Variants in GLIS3 observed in about 807,000 individuals in gnomAD.
GLIS3 encodes zinc finger protein GLIS3.
A neutral mutation model predicts 78.6 loss-of-function variants in GLIS3; 53 were observed. That is an observed-to-expected ratio of 0.67 (90% CI 0.54 to 0.85). The LOEUF is 0.85. Among genes scored for constraint, GLIS3 ranks in the 40% least tolerant of loss-of-function variants. The pLI, the probability that GLIS3 is intolerant of heterozygous loss-of-function variation, is 0.00. For missense variants in GLIS3, 1,703 were observed against 1,231.1 expected, an observed-to-expected ratio of 1.38 and a Z score of -5.74; for synonymous variants, 684 against 509.9, an observed-to-expected ratio of 1.34 and a Z score of -4.60.
At chr9:4,354,369 C>G in the GLIS3 span, among the ~76,000 whole-genome samples, 5 of 152,104 alleles carry the variant, frequency 3.3e-5, no homozygotes, top group East Asian at 1.9e-4. Flanking sequence ...GGTATAAGCA[C>G]CCTGTTAGCA....
rs1309834586 is a variant in GLIS3 at position 4,117,891 on chromosome 9, G to C, written c.1587C>G (p.Arg529=). Residue 529 remains arginine (R), a synonymous_variant, in exon 4 of 11, where the codon CGC becomes CGG. Transcript: ENST00000381971. ...AGAAGCAAGTGAAGTCCTCCCCTTT[G>C]CGCTGGTCGATGTGGACCTTCTCGA... is the stretch of plus-strand genomic sequence containing the variant. ...RHIEKVHIDQ[R]KGEDFTCFWA... 1.9e-6 allele frequency: 3 copies of C among 1,614,108 alleles called. No homozygotes were observed. Among genetic ancestry groups the C allele is most frequent in the Non-Finnish European group, 2.5e-6 (3 of 1,180,026 alleles).
chr9:3,990,760 T>C (rs953809540), intron 4 of GLIS3, among the ~76,000 whole-genome samples: 4 of 152,220 alleles, frequency 2.6e-5, no homozygotes, highest in East Asian at 3.8e-4. Context: ...AGTTTTCAAA[T>C]AGCTAAACGT....
the GLIS3 span, among the ~76,000 whole-genome samples, chr9:4,430,723 G>A: frequency 4.5e-4 from 69 of 152,124 alleles, no homozygotes; most frequent in African/African-American, 1.6e-3. Context: ...GTAAATTACT[G>A]ACAATGCTAT....
intron 4 of GLIS3, among the ~76,000 whole-genome samples, chr9:3,990,894 T>C (rs544829102): frequency 6.6e-6 from 1 of 152,314 alleles, no homozygotes; most frequent in Admixed American, 6.5e-5. Context: ...ACATCAAGCA[T>C]GCCCTCAATT....
At chr9:3,846,957 G>A (rs1036082373) in intron 9 of GLIS3, among the ~76,000 whole-genome samples, 18 of 152,160 alleles carry the variant, frequency 1.2e-4, no homozygotes, top group Non-Finnish European at 1.5e-4. Context: ...GCTAAGGCAG[G>A]GGGGTCACCT....
At chr9:3,836,864 C>T (rs1443630255) in intron 9 of GLIS3, among the ~76,000 whole-genome samples, 2 of 152,230 alleles carry the variant, frequency 1.3e-5, no homozygotes, top group South Asian at 2.1e-4. Context: ...TCGTCTTCTT[C>T]TTCCTCTCTG....
At chr9:4,368,281 G>C in the GLIS3 span, among the ~76,000 whole-genome samples, 1 of 151,494 alleles carries the variant, frequency 6.6e-6, no homozygotes, top group African/African-American at 2.4e-5. Flanking sequence ...GAAGGCAATA[G>C]AGCATCACGA....
the GLIS3 span, among the ~76,000 whole-genome samples, chr9:4,394,495 A>C: frequency 1.3e-5 from 2 of 152,112 alleles, no homozygotes; most frequent in African/African-American, 4.8e-5. Context: ...CTTGAACAAC[A>C]AGCACGGGAA....
intron 6 of GLIS3, among the ~76,000 whole-genome samples, chr9:3,922,754 A>T (rs375444800): frequency 3.9e-5 from 6 of 152,302 alleles, no homozygotes; most frequent in African/African-American, 1.4e-4. Context: ...AAAAAATATA[A>T]AGAGAGAAAG....
intron 4 of GLIS3, among the ~76,000 whole-genome samples, chr9:3,990,561 A>G (rs1820144880): frequency 6.6e-6 from 1 of 152,152 alleles, no homozygotes; most frequent in South Asian, 2.1e-4. Context: ...AGGAGTTTAC[A>G]ATATTCTGGC....
intron 2 of GLIS3, among the ~76,000 whole-genome samples, chr9:4,267,944 C>T (rs1338824672): frequency 2.7e-5 from 4 of 149,904 alleles, no homozygotes; most frequent in Non-Finnish European, 4.4e-5. Flanking sequence ...TATAAAAATA[C>T]CTGTGTGTGT....
intron 4 of GLIS3, among the ~76,000 whole-genome samples, chr9:3,991,959 G>A (rs1009815549): frequency 6.6e-6 from 1 of 152,022 alleles, no homozygotes; most frequent in African/African-American, 2.4e-5. Context: ...CAAAGTGCTG[G>A]GATTACAGGC....
the GLIS3 span, among the ~76,000 whole-genome samples, chr9:4,472,022 G>C: frequency 2.6e-5 from 4 of 152,194 alleles, no homozygotes; most frequent in Non-Finnish European, 4.4e-5. Flanking sequence ...ATCATCACTG[G>C]TCATCAGAGA....
At chr9:3,864,436 C>T (rs1275472445) in intron 8 of GLIS3, among the ~76,000 whole-genome samples, 2 of 152,094 alleles carry the variant, frequency 1.3e-5, no homozygotes, top group Admixed American at 1.3e-4. Context: ...ATCCAGTATC[C>T]CAGTATCCTT....
chr9:3,834,402 T>C (rs1818222970), intron 9 of GLIS3, among the ~76,000 whole-genome samples: 1 of 152,222 alleles, frequency 6.6e-6, no homozygotes, highest in South Asian at 2.1e-4. Flanking sequence ...TGCTGTCCAA[T>C]ACAGTAGCTA....
chr9:4,272,359 C>T (rs749988651), intron 2 of GLIS3, among the ~76,000 whole-genome samples: 35 of 152,120 alleles, frequency 2.3e-4, no homozygotes, highest in Non-Finnish European at 1.5e-4. Context: ...GAAATCACTC[C>T]CAATTGCCAA....
chr9:4,401,553 C>T, the GLIS3 span, among the ~76,000 whole-genome samples: 8 of 148,058 alleles, frequency 5.4e-5, no homozygotes, highest in South Asian at 2.1e-4. Context: ...TGTGAGCCAC[C>T]GTGCCTGTCC....
chr9:4,079,002 T>C (rs1828318956), intron 4 of GLIS3, among the ~76,000 whole-genome samples: 1 of 152,200 alleles, frequency 6.6e-6, no homozygotes. Flanking sequence ...CTTCCTTCTT[T>C]AGGAAACTGC....
At chr9:4,167,650 T>A (rs758509347) in intron 2 of GLIS3, among the ~76,000 whole-genome samples, 1 of 152,196 alleles carries the variant, frequency 6.6e-6, no homozygotes, top group East Asian at 1.9e-4. Context: ...TTATTCAAGG[T>A]GTACACGTTG....
Sources: allele counts gnomAD v4.1 joint callset (sites outside exome capture counted in the v4.1 genomes callset), GRCh38; gene constraint gnomAD v4.1.1; transcripts MANE v1.5; gene names NCBI Gene and HGNC (gene_info 2026-07-23, HGNC 2026-07-21).